LIPG: variants seen among roughly 807,000 people sequenced by gnomAD.
LIPG encodes endothelial lipase.
A neutral mutation model predicts 51.8 loss-of-function variants in LIPG; 34 were observed. The ratio of observed to expected loss-of-function variants is 0.66; its 90% CI spans 0.50 to 0.87. The LOEUF is 0.87. Ranked by LOEUF, LIPG falls within the 40% of genes least tolerant of loss-of-function variation. The pLI is 0.00. For synonymous variants in LIPG, 246 were observed against 246.1 expected (o/e 1.00, Z 0.00); for missense variants, 580 against 652.7 (o/e 0.89, Z 1.21).
Position 49,565,505 on chromosome 18 carries a change from C to T in LIPG, c.279+7C>T, listed in dbSNP as rs1244611989. On this transcript the variant is annotated splice_region_variant and intron_variant, in intron 2 of 9. Coordinates refer to ENST00000261292, the MANE Select transcript of LIPG (RefSeq NM_006033.4). Reference sequence around the variant, plus strand: ...CATCATTCACGGATGGACGGTGAGCCCGGGGAGGGAGCTCTGCGGCTTTAT... The same window carrying T: ...CATCATTCACGGATGGACGGTGAGCTCGGGGAGGGAGCTCTGCGGCTTTAT... 6.2e-7 allele frequency: 1 copy of T among 1,614,128 alleles called. No individual in the cohort carries two copies. Among genetic ancestry groups the T allele is most frequent in the East Asian group, 2.2e-5 (1 of 44,888 alleles).
At chr18:49,562,819 GT>G (rs1461314982) in intron 1 of LIPG, among the ~76,000 whole-genome samples, 2 of 152,242 alleles carry the variant, frequency 1.3e-5, no homozygotes, top group African/African-American at 4.8e-5. Context: ...TAATCTTGGT[GT>G]AGGTGTCTTG....
At position 49,597,234 on chromosome 18, in the gene LIPG, C is replaced by T. The variant is rs931973598; in HGVS notation, c.*6712C>T. 2 of 152,192 alleles carry T rather than the reference C, an allele frequency of 1.3e-5. No individual in the cohort carries two copies. Among genetic ancestry groups the T allele is most frequent in the Admixed American group, 6.5e-5 (1 of 15,276 alleles). 9.4% of individuals were successfully genotyped at this position (152,192 alleles called of 1,614,324 possible). A position where few individuals can be genotyped will look rare whatever the true frequency, so the allele number is the denominator to read the frequency against. ...TCTGCTTGGGAATCTTTCTTCTAAT[C>T]GAGGCCCCTAAAATATTCCTGATTT... On this transcript the variant is annotated 3_prime_UTR_variant, in exon 10 of 10. Coordinates refer to ENST00000261292, the MANE Select transcript of LIPG (RefSeq NM_006033.4).
chr18:49,576,631 G>A (rs1315824358), intron 5 of LIPG, among the ~76,000 whole-genome samples: 1 of 151,318 alleles, frequency 6.6e-6, no homozygotes, highest in Non-Finnish European at 1.5e-5. Context: ...TGCCATCCCC[G>A]GCTAATTTTT....
chr18:49,579,711 A>G lies in LIPG; in HGVS notation c.794-1704A>G, dbSNP rs181318095. 3.0e-3 allele frequency among the ~76,000 whole-genome samples: 442 copies of G among 147,940 alleles called. 11 individuals are homozygous for G. The highest frequency in any genetic ancestry group is 0.026 in the Admixed American group (388 of 14,916). On this transcript the variant is annotated intron_variant, in intron 5 of 9. Transcript: ENST00000261292. The stretch of plus-strand genomic sequence containing the variant: ...TTGGAGGTCCATGCAAGGGGATTTT[A>G]CTCCCTCCTCAGAATATAGGATGAT...
intron 3 of LIPG, among the ~76,000 whole-genome samples, chr18:49,568,665 G>A (rs1189572453): frequency 6.6e-6 from 1 of 152,166 alleles, no homozygotes; most frequent in Non-Finnish European, 1.5e-5. Flanking sequence ...AGAGACGTGA[G>A]CCACCGCACC....
In LIPG at chr18:49,573,287, G is replaced by T. The variant is rs562131733; in HGVS notation, c.572-2082G>T. On this transcript the variant is annotated intron_variant, in intron 4 of 9. Transcript: ENST00000261292. ...CCGCTGTGTCAGTACTGCGGTCCTTGCGGCCTCTGAAATGGGTTGTCGTGG... is the reference window on the plus strand; with the variant it reads ...CCGCTGTGTCAGTACTGCGGTCCTTTCGGCCTCTGAAATGGGTTGTCGTGG... 4.3e-4 allele frequency among the ~76,000 whole-genome samples: 66 copies of T among 152,346 alleles called. No homozygotes were observed. The South Asian group carries it at 6.6e-3, about 15-fold the overall frequency.
chr18:49,564,374 C>G (rs1346003565), intron 1 of LIPG, among the ~76,000 whole-genome samples: 1 of 152,218 alleles, frequency 6.6e-6, no homozygotes. Context: ...GTCATGATGA[C>G]AGCACCTACT....
intron 4 of LIPG, among the ~76,000 whole-genome samples, chr18:49,571,128 A>G (rs567977583): frequency 6.6e-6 from 1 of 152,196 alleles, no homozygotes; most frequent in South Asian, 2.1e-4. Context: ...GCGGGCTATG[A>G]TTGTGTGGCC....
chr18:49,590,673 C>T lies in LIPG; in HGVS notation c.*151C>T. On this transcript the variant is annotated 3_prime_UTR_variant, in exon 10 of 10. Transcript: ENST00000261292. ...GGGAACAACTGGTCTCCTGTGATGGCTGGGACTCCTCGCGGGAGGGGACTG... is the reference window on the plus strand; with the variant it reads ...GGGAACAACTGGTCTCCTGTGATGGTTGGGACTCCTCGCGGGAGGGGACTG... 1 of 804,296 alleles carries T rather than the reference C, an allele frequency of 1.2e-6. No individual in the cohort carries two copies. 49.8% of individuals were successfully genotyped at this position (804,296 alleles called of 1,614,324 possible).
intron 5 of LIPG, among the ~76,000 whole-genome samples, chr18:49,578,825 G>A (rs865785660): frequency 0.026 from 3,913 of 150,954 alleles, 112 homozygotes; most frequent in African/African-American, 0.091. Flanking sequence ...GCTGGAGACC[G>A]GCCCGGCCAA....
intron 4 of LIPG, among the ~76,000 whole-genome samples, chr18:49,570,698 G>A (rs376577016): frequency 7.2e-5 from 11 of 152,210 alleles, no homozygotes; most frequent in East Asian, 3.9e-4. Flanking sequence ...CTGTGGTGGC[G>A]GGTGCCTGTA....
chr18:49,588,821 C>T (rs1198376988), intron 9 of LIPG, among the ~76,000 whole-genome samples: 4 of 152,156 alleles, frequency 2.6e-5, no homozygotes, highest in Non-Finnish European at 4.4e-5. Flanking sequence ...AGACTGTCTC[C>T]TCACACCATG....
chr18:49,561,611 T>TC (rs941850478), upstream of LIPG: 6 of 1,123,066 alleles, frequency 5.3e-6, no homozygotes, highest in African/African-American at 9.7e-5. Flanking sequence ...CAGGTGGCTC[T>TC]CCCCCGACGG....
intron 9 of LIPG, among the ~76,000 whole-genome samples, chr18:49,587,175 G>A (rs2084890530): frequency 6.6e-6 from 1 of 151,906 alleles, no homozygotes; most frequent in African/African-American, 2.4e-5. Flanking sequence ...TTGGGAGGTT[G>A]AGGCAGGAAA....
rs34605738 is a variant in LIPG at position 49,581,447 on chromosome 18, C to T, written c.826C>T (p.Arg276Ter). 4.3e-6 allele frequency: 7 copies of T among 1,614,044 alleles called. No individual in the cohort carries two copies. The highest frequency in any genetic ancestry group is 2.2e-5 in the East Asian group (1 of 44,898). The change falls in exon 6 of 10, where the codon CGA (arginine) becomes TGA (stop). Residue 276 changes from arginine (R) to a stop codon, truncating the protein, a stop_gained. Coordinates refer to ENST00000261292, the MANE Select transcript of LIPG (RefSeq NM_006033.4). LOFTEE classifies it high-confidence loss of function. ...ITEVVKCEHE[R>*]AVHLFVDSLV... ...AGAGGTGGTAAAATGTGAGCATGAG[C>T]GAGCCGTCCACCTCTTTGTTGACTC... is the stretch of plus-strand genomic sequence containing the variant.
At chr18:49,582,814 G>A (rs578147723) in intron 7 of LIPG, among the ~76,000 whole-genome samples, 3 of 152,350 alleles carry the variant, frequency 2.0e-5, no homozygotes, top group Non-Finnish European at 4.4e-5. Flanking sequence ...CTGTAACTTC[G>A]TAAACGTCAT....
At chr18:49,571,084 G>A (rs1016259811) in intron 4 of LIPG, among the ~76,000 whole-genome samples, 3 of 152,120 alleles carry the variant, frequency 2.0e-5, no homozygotes, top group African/African-American at 7.2e-5. Context: ...CTTTATTTTT[G>A]ATTTCCAAGA....
chr18:49,579,826 T>C (rs186069408), intron 5 of LIPG, among the ~76,000 whole-genome samples: 1 of 146,386 alleles, frequency 6.8e-6, no homozygotes, highest in East Asian at 1.9e-4. Context: ...TTCTTTACTT[T>C]ACTTTTGATG....
chr18:49,579,553 C>T (rs2084791242), intron 5 of LIPG, among the ~76,000 whole-genome samples: 2 of 152,052 alleles, frequency 1.3e-5, no homozygotes, highest in South Asian at 4.2e-4. Context: ...CCTTTTACTG[C>T]CTTGGCTGCT....
Sources: allele counts gnomAD v4.1 joint callset (sites outside exome capture counted in the v4.1 genomes callset), GRCh38; gene constraint gnomAD v4.1.1; transcripts MANE v1.5; gene names NCBI Gene and HGNC (gene_info 2026-07-23, HGNC 2026-07-21).